Variants in ZNF398 observed in about 807,000 individuals in gnomAD.
The protein encoded by ZNF398 is zinc finger DNA binding protein ZER6.
ZNF398 carries 18 observed loss-of-function variants against 41.9 expected under a neutral mutation model. That is an observed-to-expected ratio of 0.43 (90% CI 0.30 to 0.64). The LOEUF (loss-of-function observed/expected upper bound fraction) is 0.64. Among genes scored for constraint, ZNF398 ranks in the 30% least tolerant of loss-of-function variants. The pLI is 0.14. For missense variants in ZNF398, 669 were observed against 822.8 expected, an observed-to-expected ratio of 0.81 and a Z score of 2.29; for synonymous variants, 260 against 308.8, an observed-to-expected ratio of 0.84 and a Z score of 1.66.
intron 2 of ZNF398, among the ~76,000 whole-genome samples, chr7:149,157,535 A>G (rs2129520622): frequency 7.2e-6 from 1 of 139,522 alleles, no homozygotes; most frequent in South Asian, 2.3e-4. Flanking sequence ...CGTCTCAAAA[A>G]AAAAAAAAGA....
intron 2 of ZNF398, among the ~76,000 whole-genome samples, chr7:149,155,730 A>ATTTTTTTTTTTTTTTTTTTT (rs148643688): frequency 1.1e-5 from 1 of 92,392 alleles, no homozygotes; most frequent in South Asian, 3.9e-4. Flanking sequence ...TTTTTTTTTT[A>ATTTTTTTTTTTTTTTTTTTT]ATTTTTTTTT....
exon 1 of ZNF398, chr7:149,126,606 C>T: frequency 3.5e-6 from 1 of 288,918 alleles, no homozygotes; most frequent in South Asian, 4.9e-5. Context: ...GTAGGGACAG[C>T]GACTGGGAGA....
chr7:149,161,666 A>C (rs1351560168), intron 2 of ZNF398, among the ~76,000 whole-genome samples: 3 of 152,232 alleles, frequency 2.0e-5, no homozygotes, highest in Non-Finnish European at 4.4e-5. Context: ...TGAGTACATA[A>C]AGTCGCAAAA....
At chr7:149,166,496 T>C (rs188700016) in intron 3 of ZNF398, among the ~76,000 whole-genome samples, 5 of 152,318 alleles carry the variant, frequency 3.3e-5, no homozygotes, top group African/African-American at 1.2e-4. Flanking sequence ...AAGTTCAGGG[T>C]TATGGGTGTG....
intron 4 of ZNF398, among the ~76,000 whole-genome samples, chr7:149,171,070 G>T (rs1024345156): frequency 3.4e-5 from 5 of 147,202 alleles, no homozygotes; most frequent in South Asian, 4.2e-4. Context: ...GGATGGTCTC[G>T]ATCTGCTGAC....
intron 4 of ZNF398, among the ~76,000 whole-genome samples, chr7:149,169,690 G>A (rs1364538437): frequency 6.6e-6 from 1 of 152,088 alleles, no homozygotes; most frequent in Non-Finnish European, 1.5e-5. Context: ...GAACTCAAGT[G>A]ATTCACCTGC....
At chr7:149,155,707 A>ATATATTTTTTT (rs1794954712) in intron 2 of ZNF398, among the ~76,000 whole-genome samples, 1 of 73,578 alleles carries the variant, frequency 1.4e-5, no homozygotes, top group Non-Finnish European at 2.4e-5. Context: ...ATATATATAT[A>ATATATTTTTTT]TTTTTTTTTT....
chr7:149,136,157 A>G (rs1016770089), intron 2 of ZNF398, among the ~76,000 whole-genome samples: 2 of 151,964 alleles, frequency 1.3e-5, no homozygotes, highest in Non-Finnish European at 2.9e-5. Context: ...ATGTTTATTT[A>G]TATTCCCCTA....
chr7:149,132,098 A>G (rs972765077), intron 2 of ZNF398, among the ~76,000 whole-genome samples: 3 of 152,142 alleles, frequency 2.0e-5, no homozygotes, highest in Non-Finnish European at 2.9e-5. Context: ...TTGCTTGATC[A>G]AAAGGTCTAC....
At chr7:149,154,411 G>A (rs1794926956) in intron 2 of ZNF398, 71 bp downstream of exon 2, 8 of 1,454,946 alleles carry the variant, frequency 5.5e-6, no homozygotes, top group African/African-American at 1.4e-5. Flanking sequence ...TGGTCATTCA[G>A]TTACTTAGAT....
At position 149,147,784 on chromosome 7, in the gene ZNF398, CGA is replaced by C; in HGVS notation, c.24+20_24+21del. The C allele has an allele frequency of 7.2e-7, 1 of 1,395,914 alleles. No homozygotes were observed. The highest frequency in any genetic ancestry group is 9.3e-7 in the Non-Finnish European group (1 of 1,072,368). The allele number at this position is 1,395,914 out of a possible 1,614,324, so 86.5% of individuals were successfully genotyped here. A position where few individuals can be genotyped will look rare whatever the true frequency, so the allele number is the denominator to read the frequency against. ...CGGCCCCGGTAAGGGCGGCCGCGCG[CGA>C]GTGTTGTGAGCCCCCGAGACCCAGA... On this transcript the variant is annotated intron_variant, in intron 1 of 5. Coordinates refer to ENST00000475153, the MANE Select transcript of ZNF398 (RefSeq NM_170686.3). The surrounding 1 kb of genome is among the most constrained non-coding windows in gnomAD (Gnocchi z 5.6).
chr7:149,163,004 C>T (rs1795143046), intron 2 of ZNF398, among the ~76,000 whole-genome samples: 1 of 152,030 alleles, frequency 6.6e-6, no homozygotes, highest in African/African-American at 2.4e-5. Flanking sequence ...CATTCAGAGG[C>T]TGAAGTAGCA....
At chr7:149,172,662 G>T (rs1471351250) in intron 4 of ZNF398, among the ~76,000 whole-genome samples, 1 of 152,194 alleles carries the variant, frequency 6.6e-6, no homozygotes, top group African/African-American at 2.4e-5. Flanking sequence ...GAAAGTAAAA[G>T]AAATTTGTAC....
intron 4 of ZNF398, among the ~76,000 whole-genome samples, chr7:149,175,065 A>G (rs145917373): frequency 2.0e-5 from 3 of 152,284 alleles, no homozygotes; most frequent in African/African-American, 7.2e-5. Flanking sequence ...TGCATATGCT[A>G]AAATCTATTT....
chr7:149,145,783 C>T (rs1826925098), upstream of ZNF398, among the ~76,000 whole-genome samples: 1 of 152,120 alleles, frequency 6.6e-6, no homozygotes, highest in Non-Finnish European at 1.5e-5. Context: ...CCTGTCTCCT[C>T]CTTAGGTGGC....
At chr7:149,129,525 G>T (rs1826557559) in intron 2 of ZNF398, among the ~76,000 whole-genome samples, 1 of 151,402 alleles carries the variant, frequency 6.6e-6, no homozygotes, top group Non-Finnish European at 1.5e-5. Flanking sequence ...GACTACAGGT[G>T]CATCCCACCA....
intron 2 of ZNF398, among the ~76,000 whole-genome samples, chr7:149,140,201 C>T (rs1826792518): frequency 1.3e-5 from 2 of 151,964 alleles, no homozygotes; most frequent in African/African-American, 4.8e-5. Context: ...CAAATAGTTA[C>T]ATACATTGAC....
At chr7:149,133,704 T>C (rs1447019338) in intron 2 of ZNF398, among the ~76,000 whole-genome samples, 65 of 73,998 alleles carry the variant, frequency 8.8e-4, no homozygotes, top group African/African-American at 2.4e-3. Flanking sequence ...TATATATATA[T>C]ACACACATAT....
intron 4 of ZNF398, among the ~76,000 whole-genome samples, chr7:149,171,080 C>CCT (rs1356450988): frequency 7.3e-5 from 11 of 150,234 alleles, no homozygotes; most frequent in Non-Finnish European, 1.5e-4. Context: ...GATCTGCTGA[C>CCT]CTCATGATCC....
Sources: allele counts gnomAD v4.1 joint callset (sites outside exome capture counted in the v4.1 genomes callset), GRCh38; gene constraint gnomAD v4.1.1; non-coding constraint Gnocchi (gnomAD v3.1); transcripts MANE v1.5; gene names NCBI Gene and HGNC (gene_info 2026-07-23, HGNC 2026-07-21).